Variants in PAK5 observed in about 807,000 individuals in gnomAD.
The protein encoded by PAK5 is p21 (RAC1) activated kinase 5, also known as serine/threonine-protein kinase PAK 5.
A neutral mutation model predicts 65.9 loss-of-function variants in PAK5; 16 were observed. The ratio of observed to expected loss-of-function variants is 0.24; its 90% CI spans 0.16 to 0.37. PAK5 has a LOEUF of 0.37. Ranked by LOEUF, PAK5 falls within the 10% of genes least tolerant of loss-of-function variation. PAK5 has a pLI of 1.00. For synonymous variants in PAK5, 371 were observed against 354.9 expected (o/e 1.05, Z -0.51); for missense variants, 785 against 903.9 (o/e 0.87, Z 1.69).
chr20:9,622,762 A>G (rs6118670), intron 3 of PAK5, among the ~76,000 whole-genome samples: 148,060 of 152,308 alleles, frequency 0.97, 71,985 homozygotes, highest in East Asian at 1. Flanking sequence ...ATCATTTGAG[A>G]TGGAACACTT....
intron 2 of PAK5, among the ~76,000 whole-genome samples, chr20:9,660,984 G>A (rs1412238044): frequency 1.3e-5 from 2 of 152,062 alleles, no homozygotes; most frequent in Non-Finnish European, 2.9e-5. Flanking sequence ...CAAACCTACT[G>A]ACTCAGTAGC....
At chr20:9,836,065 T>C (rs1447216550) in intron 1 of PAK5, among the ~76,000 whole-genome samples, 1 of 152,118 alleles carries the variant, frequency 6.6e-6, no homozygotes, top group Non-Finnish European at 1.5e-5. Flanking sequence ...ATAAATGAGG[T>C]ACTTTTGAAC....
intron 1 of PAK5, among the ~76,000 whole-genome samples, chr20:9,751,226 C>G (rs1361759634): frequency 1.3e-5 from 2 of 152,118 alleles, no homozygotes; most frequent in Non-Finnish European, 2.9e-5. Flanking sequence ...TCTTATGACT[C>G]AAAATATTTT....
chr20:9,737,139 T>A (rs145211464), intron 1 of PAK5, among the ~76,000 whole-genome samples: 111 of 149,982 alleles, frequency 7.4e-4, no homozygotes, highest in African/African-American at 2.3e-3. Flanking sequence ...CATAGCAAGG[T>A]GATGGACATA....
At chr20:9,816,413 GT>G (rs1431451724) in intron 1 of PAK5, among the ~76,000 whole-genome samples, 4 of 152,102 alleles carry the variant, frequency 2.6e-5, no homozygotes, top group African/African-American at 9.7e-5. Context: ...TTATTCCTGG[GT>G]ATGTCCATCG....
chr20:9,697,061 C>A (rs1023221238), intron 2 of PAK5, among the ~76,000 whole-genome samples: 2 of 152,060 alleles, frequency 1.3e-5, no homozygotes, highest in Admixed American at 6.6e-5. Flanking sequence ...TATTTTAGCA[C>A]AAAATGACCT....
At chr20:9,790,023 CAGA>C (rs1266304052) in intron 1 of PAK5, among the ~76,000 whole-genome samples, 1 of 152,122 alleles carries the variant, frequency 6.6e-6, no homozygotes, top group Non-Finnish European at 1.5e-5. Context: ...AGGGAGCTGG[CAGA>C]ATTTAGTTTA....
chr20:9,740,983 T>G (rs539372236), intron 1 of PAK5, among the ~76,000 whole-genome samples: 1 of 152,310 alleles, frequency 6.6e-6, no homozygotes, highest in East Asian at 1.9e-4. Context: ...CACAAAGTCT[T>G]GGGCTGACCC....
rs2045967661 is a variant in PAK5 at position 9,580,827 on chromosome 20, T to G, written c.308A>C (p.Glu103Ala). The G allele has an allele frequency of 2.5e-6, 4 of 1,613,952 alleles. No homozygotes were observed. Among genetic ancestry groups the G allele is most frequent in the Non-Finnish European group, 3.4e-6 (4 of 1,179,940 alleles). Residue 103 changes from glutamate to alanine, a missense_variant, in exon 4 of 10, where the codon GAA becomes GCA. Around this residue, in one of 4 missense-constraint regions of PAK5, gnomAD observed 422 missense variants for 413.3 expected, o/e 1.02. Coordinates refer to ENST00000353224, the MANE Select transcript of PAK5 (RefSeq NM_177990.4). ...TCCCTGATCTGGGGTGGGTGGGCTT[T>G]CTTTCCTTAGGGAGTTGGAGCGAGT... is the stretch of plus-strand genomic sequence containing the variant. ...SVTRSNSLRK[E>A]SPPTPDQGAS...
chr20:9,721,406 G>A (rs1293867863), intron 1 of PAK5, among the ~76,000 whole-genome samples: 2 of 151,960 alleles, frequency 1.3e-5, no homozygotes, highest in African/African-American at 4.8e-5. Flanking sequence ...TCAGCACTTT[G>A]GTAGGCCGAG....
At chr20:9,612,295 C>T (rs1568998455) in intron 3 of PAK5, among the ~76,000 whole-genome samples, 1 of 152,190 alleles carries the variant, frequency 6.6e-6, no homozygotes, top group Non-Finnish European at 1.5e-5. Context: ...GTCTGGAGAA[C>T]ATATTTCTCA....
chr20:9,710,388 T>C (rs567321369), intron 2 of PAK5, among the ~76,000 whole-genome samples: 2 of 152,320 alleles, frequency 1.3e-5, no homozygotes, highest in East Asian at 3.9e-4. Flanking sequence ...TCATAAGCAG[T>C]TCTTTGAAAT....
chr20:9,576,937 C>A (rs1042534864), intron 4 of PAK5, among the ~76,000 whole-genome samples: 1 of 152,284 alleles, frequency 6.6e-6, no homozygotes, highest in East Asian at 1.9e-4. Flanking sequence ...CAGTAGGGAA[C>A]GGATGTGCTG....
Position 9,554,138 on chromosome 20 carries a change from C to T in PAK5, c.1743+3470G>A, listed in dbSNP as rs114307930. Among the ~76,000 whole-genome samples, 927 of 152,258 alleles carry T rather than the reference C, an allele frequency of 6.1e-3. 4 individuals are homozygous for T. The highest frequency in any genetic ancestry group is 0.021 in the African/African-American group (863 of 41,532). ...TCTCTTGTGTGGCAGACAGTATTTT[C>T]CAAAAATGCCAACAATAATTTTGCC... is the stretch of plus-strand genomic sequence containing the variant. On this transcript the variant is annotated intron_variant, in intron 7 of 9. Transcript: ENST00000353224.
rs1569107878 is a variant in PAK5 at position 9,838,189 on chromosome 20, GCACACACACACGCGCGCACA to G, written c.-162+553_-162+572del. ...CCATTACAACCCACCAGGCGCGCGC[GCACACACACACGCGCGCACA>G]CACACACACACACAAATAACAAAGG... On this transcript the variant is annotated intron_variant, in intron 1 of 9. Coordinates refer to ENST00000353224, the MANE Select transcript of PAK5 (RefSeq NM_177990.4). The surrounding 1 kb of genome is among the most constrained non-coding windows in gnomAD (Gnocchi z 4.5). 7.6e-6 allele frequency among the ~76,000 whole-genome samples: 1 copy of G among 130,792 alleles called. No homozygotes were observed. The highest frequency in any genetic ancestry group is 1.6e-5 in the Non-Finnish European group (1 of 63,112). 85.8% of individuals were successfully genotyped at this position (130,792 alleles called of 152,430 possible).
chr20:9,830,829 G>C lies in PAK5; in HGVS notation c.-162+7933C>G, dbSNP rs117799643. ...CATGAACCTTAAGTTAAACTCCCAT[G>C]TCATAGCAAATGTTTCCTATGGGAT... On this transcript the variant is annotated intron_variant, in intron 1 of 9. Transcript: ENST00000353224. Among the ~76,000 whole-genome samples the C allele has an allele frequency of 4.3e-4, 66 of 152,306 alleles. No individual in the cohort carries two copies. In the East Asian group the frequency reaches 0.012, roughly 29 times the overall value.
intron 9 of PAK5, 126 bp from the exon 10 acceptor site, chr20:9,539,743 G>A: frequency 1.4e-6 from 1 of 725,440 alleles, no homozygotes; most frequent in Non-Finnish European, 2.3e-6. Flanking sequence ...GGAGAAAGAT[G>A]TTGTGAAAGC....
At chr20:9,719,228 C>T (rs1314032279) in intron 1 of PAK5, among the ~76,000 whole-genome samples, 2 of 152,270 alleles carry the variant, frequency 1.3e-5, no homozygotes, top group East Asian at 1.9e-4. Flanking sequence ...CTATGACATA[C>T]GGGACTGCAT....
At position 9,557,843 on chromosome 20, in the gene PAK5, C is replaced by G. The variant is rs985816312; in HGVS notation, c.1617-109G>C. ...TAGTGAAACAGTCCACGTGCTCCAG[C>G]CCATATCTGAAAAACCTGCAGACAA... On this transcript the variant is annotated intron_variant, in intron 6 of 9. Coordinates refer to ENST00000353224, the MANE Select transcript of PAK5 (RefSeq NM_177990.4). 11 of 733,532 alleles carry G rather than the reference C, an allele frequency of 1.5e-5. No individual in the cohort carries two copies. The African/African-American group carries it at 1.8e-4, about 12-fold the overall frequency. The allele number at this position is 733,532 out of a possible 1,614,324, so 45.4% of individuals were successfully genotyped here.
Sources: gnomAD v4.1 joint callset for allele counts (sites outside exome capture counted in the v4.1 genomes callset) on GRCh38, gnomAD v4.1.1 for gene constraint, gnomAD v4.1.1 regional missense constraint, Gnocchi (gnomAD v3.1) non-coding constraint, MANE v1.5 for transcripts, NCBI Gene and HGNC (gene_info 2026-07-23, HGNC 2026-07-21) for gene names.